The following TGFBI variants were observed in gnomAD, a reference collection of about 807,000 sequenced individuals.
TGFBI encodes transforming growth factor beta induced, also known as transforming growth factor-beta-induced protein ig-h3.
TGFBI carries 50 observed loss-of-function variants against 73.7 expected under a neutral mutation model. That is an observed-to-expected ratio of 0.68 (90% CI 0.54 to 0.86). The LOEUF (loss-of-function observed/expected upper bound fraction) is 0.86. TGFBI is among the 40% of genes least tolerant of loss of function. The pLI, the probability that TGFBI is intolerant of heterozygous loss-of-function variation, is 0.00. For synonymous variants in TGFBI, 362 were observed against 360.5 expected (o/e 1.00, Z -0.05); for missense variants, 839 against 877.0 (o/e 0.96, Z 0.55).
rs1249318722 is a variant in TGFBI, at chr5:136,046,980, A to G, written c.589A>G (p.Asn197Asp). Residue 197 changes from asparagine to aspartate, a missense_variant, in exon 5 of 17, where the codon AAT becomes GAT. By Grantham distance (23) the Asn-to-Asp change is conservative. Coordinates refer to ENST00000442011, the MANE Select transcript of TGFBI (RefSeq NM_000358.3). ...CATGACCCTCACCTCTATGTACCAG[A>G]ATTCCAACATCCAGATCCACCACTA... is the stretch of plus-strand genomic sequence containing the variant. ...HGMTLTSMYQNSNIQIHHYPN... is the reference protein window; with the variant it reads ...HGMTLTSMYQDSNIQIHHYPN... 1.2e-6 allele frequency: 2 copies of G among 1,613,446 alleles called. No homozygotes were observed. Among genetic ancestry groups the G allele is most frequent in the Non-Finnish European group, 1.7e-6 (2 of 1,179,860 alleles).
At position 136,055,726 on chromosome 5, in the gene TGFBI, G is replaced by A. The variant is rs1400250361; in HGVS notation, c.1457G>A (p.Gly486Glu). 6.2e-7 allele frequency: 1 copy of A among 1,611,352 alleles called. No individual in the cohort carries two copies. The highest frequency in any genetic ancestry group is 8.5e-7 in the Non-Finnish European group (1 of 1,177,882). Reference sequence around the variant, plus strand: ...TGCATCGCGGCCCACGACAAGAGGGGGAGGTACGGGACCCTGTTCACGATG... The same window carrying A: ...TGCATCGCGGCCCACGACAAGAGGGAGAGGTACGGGACCCTGTTCACGATG... Reference protein sequence around the residue: ...NSCIAAHDKRGRYGTLFTMDR... With the variant: ...NSCIAAHDKRERYGTLFTMDR... The change falls in exon 11 of 17, where the codon GGG (glycine) becomes GAG (glutamate). Residue 486 changes from glycine to glutamate, a missense_variant. Physicochemically the swap from Gly to Glu is moderately conservative, Grantham distance 98 (BLOSUM62 -2). Transcript: ENST00000442011.
rs1232088812 is a variant in TGFBI at position 136,049,154 on chromosome 5, A to C, written c.772-285A>C. 10 of 349,748 alleles carry C rather than the reference A, an allele frequency of 2.9e-5. 1 individual carries two copies. Among genetic ancestry groups the C allele is most frequent in the Admixed American group, 1.3e-4 (3 of 23,956 alleles). The allele number at this position is 349,748 out of a possible 1,614,324, so 21.7% of individuals were successfully genotyped here. ...AGAATGAATAGAATCAGAGAAGCAA[A>C]GTAAGAGGGAAGAGCAGAGAGGACA... On this transcript the variant is annotated intron_variant, in intron 6 of 16. Transcript: ENST00000442011.
chr5:136,043,017 G>GCGGTAAAACC (rs1751365847), intron 2 of TGFBI, among the ~76,000 whole-genome samples: 1 of 152,162 alleles, frequency 6.6e-6, no homozygotes, highest in African/African-American at 2.4e-5. Context: ...GAGCAGTTCT[G>GCGGTAAAACC]CGGTAAAACC....
rs766085944 is a variant in TGFBI, at chr5:136,049,478, G to A, written c.811G>A (p.Gly271Ser). 6.2e-7 allele frequency: 1 copy of A among 1,614,040 alleles called. No individual in the cohort carries two copies. Among genetic ancestry groups the A allele is most frequent in the South Asian group, 1.1e-5 (1 of 91,080 alleles). Residue 271 changes from glycine to serine, a missense_variant, in exon 7 of 17, where the codon GGT (glycine) becomes AGT (serine). Physicochemically the swap from Gly to Ser is moderately conservative, Grantham distance 56. Coordinates refer to ENST00000442011, the MANE Select transcript of TGFBI (RefSeq NM_000358.3). ...AASGLNTMLEGNGQYTLLAPT... is the reference protein window; with the variant it reads ...AASGLNTMLESNGQYTLLAPT... ...ATCAGGGCTCAACACGATGCTTGAA[G>A]GTAACGGCCAGTACACGCTTTTGGC...
chr5:136,045,006 T>C (rs1267356505), intron 3 of TGFBI: 1 of 152,210 alleles, frequency 6.6e-6, no homozygotes, highest in Non-Finnish European at 1.5e-5. Context: ...TGTATTATCT[T>C]TTATTGTATT....
chr5:136,046,226 C>G (rs1257093752), intron 3 of TGFBI, 109 bp from the exon 4 acceptor site: 1 of 1,362,912 alleles, frequency 7.3e-7, no homozygotes, highest in South Asian at 1.4e-5. Flanking sequence ...CCACATGCCT[C>G]CTCGTCCTCT....
chr5:136,039,444 C>T (rs1751290690), intron 2 of TGFBI, among the ~76,000 whole-genome samples: 1 of 152,196 alleles, frequency 6.6e-6, no homozygotes, highest in South Asian at 2.1e-4. Flanking sequence ...CCTGGCTAAA[C>T]TGCCCCAGGT....
intron 7 of TGFBI, among the ~76,000 whole-genome samples, 164 bp from the exon 8 acceptor site, chr5:136,052,743 A>T (rs760218878): frequency 1.3e-5 from 2 of 152,326 alleles, no homozygotes; most frequent in Non-Finnish European, 2.9e-5. Context: ...TTTCTAGGGC[A>T]GCAGGCAGAA....
In TGFBI at chr5:136,056,058, G is replaced by A. The variant is rs79993661; in HGVS notation, c.1547+242G>A. On this transcript the variant is annotated intron_variant, in intron 11 of 16. Transcript: ENST00000442011. ...TCACATGCATGGGAAGCAGGGAGGG[G>A]GGACTACATTTTTATGACTGAAGTG... Among the ~76,000 whole-genome samples the A allele has an allele frequency of 4.6e-3, 704 of 152,262 alleles. 6 individuals carry two copies. The highest frequency in any genetic ancestry group is 0.016 in the African/African-American group (677 of 41,544).
At chr5:136,030,414 G>T (rs1168567718) in intron 1 of TGFBI, among the ~76,000 whole-genome samples, 1 of 152,152 alleles carries the variant, frequency 6.6e-6, no homozygotes, top group Non-Finnish European at 1.5e-5. Flanking sequence ...GTGGCTTTAT[G>T]GTCTAGGCCT....
chr5:136,034,458 A>G (rs534440596), intron 2 of TGFBI, among the ~76,000 whole-genome samples: 9 of 152,122 alleles, frequency 5.9e-5, no homozygotes, highest in South Asian at 2.1e-4. Context: ...GGGTTGTTAC[A>G]AGGATTGAAT....
intron 3 of TGFBI, 57 bp from the exon 4 acceptor site, chr5:136,046,278 G>A: frequency 1.9e-6 from 3 of 1,599,230 alleles, no homozygotes; most frequent in Non-Finnish European, 2.6e-6. Context: ...AGAAGGGAGG[G>A]TGTGGTTGGG....
At chr5:136,061,144 T>C (rs1751740219) in intron 14 of TGFBI, 1 of 593,700 alleles carries the variant, frequency 1.7e-6, no homozygotes, top group Non-Finnish European at 3.0e-6. Flanking sequence ...CATTGCTCTT[T>C]GCGGAGTTGC....
chr5:136,054,081 G>A lies in TGFBI; in HGVS notation c.1264+1G>A. 1.2e-6 allele frequency: 2 copies of A among 1,611,956 alleles called. No individual in the cohort carries two copies. The highest frequency in any genetic ancestry group is 2.2e-5 in the South Asian group (2 of 91,038). On this transcript the variant is annotated splice_donor_variant, in intron 9 of 16. Transcript: ENST00000442011. LOFTEE classifies it high-confidence loss of function. ...GCTCCCCTGAATTCTGTATTCAAAGGTAACATGGGGAAGGCATCCCTGTTA... is the reference window on the plus strand; with the variant it reads ...GCTCCCCTGAATTCTGTATTCAAAGATAACATGGGGAAGGCATCCCTGTTA...
intron 13 of TGFBI, 35 bp from the exon 14 acceptor site, chr5:136,060,799 C>A: frequency 6.9e-7 from 1 of 1,440,648 alleles, no homozygotes; most frequent in Non-Finnish European, 9.6e-7. Flanking sequence ...TAAATAAATG[C>A]TCTACTTTCA....
chr5:136,052,464 C>T lies in TGFBI; in HGVS notation c.914-443C>T, dbSNP rs199872102. On this transcript the variant is annotated intron_variant, in intron 7 of 16. Coordinates refer to ENST00000442011, the MANE Select transcript of TGFBI (RefSeq NM_000358.3). Reference sequence around the variant, plus strand: ...ATAAAGGTGAGTAGATTTCTAAAATCCCGTGGTAGGCTCTCTTGAGTTTTT... The same window carrying T: ...ATAAAGGTGAGTAGATTTCTAAAATTCCGTGGTAGGCTCTCTTGAGTTTTT... 2.6e-5 allele frequency among the ~76,000 whole-genome samples: 4 copies of T among 152,330 alleles called. No individual in the cohort carries two copies. In the East Asian group the frequency reaches 7.7e-4, roughly 29 times the overall value.
In TGFBI at chr5:136,063,420, C is replaced by A; in HGVS notation, c.*194C>A. On this transcript the variant is annotated 3_prime_UTR_variant, in exon 17 of 17. Transcript: ENST00000442011. ...ATGTACTTTTTAAATCATGTTCCCC[C>A]TAAACATGGCTGTTAACCCACTGCA... 1.7e-6 allele frequency: 1 copy of A among 586,472 alleles called. No individual in the cohort carries two copies. The highest frequency in any genetic ancestry group is 3.0e-6 in the Non-Finnish European group (1 of 328,678). The allele number at this position is 586,472 out of a possible 1,614,324, so 36.3% of individuals were successfully genotyped here.
At chr5:136,053,768 T>C (rs1297457279) in intron 8 of TGFBI, among the ~76,000 whole-genome samples, 175 bp from the exon 9 acceptor site, 1 of 152,182 alleles carries the variant, frequency 6.6e-6, no homozygotes. Flanking sequence ...CTGGTTAGAT[T>C]TTCTAGGTGA....
chr5:136,043,264 C>A (rs1298095686), intron 2 of TGFBI, among the ~76,000 whole-genome samples: 2 of 152,158 alleles, frequency 1.3e-5, no homozygotes, highest in Non-Finnish European at 2.9e-5. Context: ...ATTTGAAATT[C>A]TCAGTGTTTT....
Sources: gnomAD v4.1 joint callset for allele counts (sites outside exome capture counted in the v4.1 genomes callset) on GRCh38, gnomAD v4.1.1 for gene constraint, MANE v1.5 for transcripts, NCBI Gene and HGNC (gene_info 2026-07-23, HGNC 2026-07-21) for gene names.